Variants in COL7A1 observed in about 807,000 individuals in gnomAD.
COL7A1 encodes the protein collagen alpha-1(VII) chain.
A neutral mutation model predicts 456.2 loss-of-function variants in COL7A1; 296 were observed. The observed-to-expected ratio is 0.65, with a 90% CI of 0.59 to 0.71. COL7A1 has a LOEUF of 0.71. Ranked by LOEUF, COL7A1 falls within the 30% of genes least tolerant of loss-of-function variation. The pLI is 0.00. For missense variants in COL7A1, 3,441 were observed against 4,017.2 expected (o/e 0.86, Z 3.88); for synonymous variants, 1,464 against 1,525.9 (o/e 0.96, Z 0.95).
At position 48,566,820 on chromosome 3, in the gene COL7A1, G is replaced by T. The variant is rs1288778818; in HGVS notation, c.8227-83C>A. 1.6e-5 allele frequency: 26 copies of T among 1,587,124 alleles called. No homozygotes were observed. The highest frequency in any genetic ancestry group is 2.1e-5 in the Non-Finnish European group (24 of 1,158,508). ...CAGGTTGGGGGCCACAGCTTCAGAG[G>T]TTGGGGCAGGCAGGCTGGAAGATGG... On this transcript the variant is annotated intron_variant, in intron 111 of 118. Coordinates refer to ENST00000681320, the MANE Select transcript of COL7A1 (RefSeq NM_000094.4). The surrounding 1 kb of genome is among the most constrained non-coding windows in gnomAD (Gnocchi z 5.9).
At chr3:48,576,018 C>T in intron 71 of COL7A1, 116 bp from the exon 72 acceptor site, 1 of 1,530,474 alleles carries the variant, frequency 6.5e-7, no homozygotes. Context: ...TTGCCCAGAG[C>T]ACCCTTTAGC....
chr3:48,590,218 C>A lies in COL7A1; in HGVS notation c.2045G>T (p.Arg682Leu). 1.2e-6 allele frequency: 2 copies of A among 1,612,442 alleles called. No individual in the cohort carries two copies. Among genetic ancestry groups the A allele is most frequent in the South Asian group, 1.1e-5 (1 of 91,016 alleles). The change falls in exon 16 of 119, where the codon CGA becomes CTA. Residue 682 changes from arginine (R) to leucine (L), a missense_variant. Arg to Leu is a moderately radical substitution (Grantham distance 102). Coordinates refer to ENST00000681320, the MANE Select transcript of COL7A1 (RefSeq NM_000094.4). The surrounding 1 kb of genome is among the most constrained non-coding windows in gnomAD (Gnocchi z 4.6). ...EEGPAAVIVA[R>L]TDPLGPVRTV... ...GGACGGGGGCAGGGCCTGACCCGTT[C>A]GAGCCACGATGACTGCAGCAGGGCC...
Position 48,576,316 on chromosome 3 carries a change from C to A in COL7A1, c.5773-20G>T. The A allele has an allele frequency of 6.2e-7, 1 of 1,613,896 alleles. No individual in the cohort carries two copies. The highest frequency in any genetic ancestry group is 8.5e-7 in the Non-Finnish European group (1 of 1,180,014). On this transcript the variant is annotated intron_variant, in intron 70 of 118. Coordinates refer to ENST00000681320, the MANE Select transcript of COL7A1 (RefSeq NM_000094.4). ...GAGGCCCTGGAGAGATGAAGACAAACTGCTAGGAACCAGCCTATGGGTGTG... is the reference window on the plus strand; with the variant it reads ...GAGGCCCTGGAGAGATGAAGACAAAATGCTAGGAACCAGCCTATGGGTGTG...
chr3:48,572,380 C>A lies in COL7A1; in HGVS notation c.6978G>T (p.Pro2326=). ...GGLAGDLVGE[P]GAKGDRGLPG... is the part of the protein sequence containing the mutation. ...CTGCTGTCAGAAGTTCCCTACTTAC[C>A]GGCTCACCCACCAGGTCTCCAGCAA... The change falls in exon 90 of 119, where the codon CCG becomes CCT. Residue 2326 remains proline, a splice_region_variant and synonymous_variant. Transcript: ENST00000681320. The surrounding 1 kb of genome is among the most constrained non-coding windows in gnomAD (Gnocchi z 4.6). The A allele has an allele frequency of 6.2e-7, 1 of 1,614,126 alleles. No homozygotes were observed. Among genetic ancestry groups the A allele is most frequent in the South Asian group, 1.1e-5 (1 of 91,086 alleles).
In COL7A1 at chr3:48,594,924, G is replaced by A; in HGVS notation, c.85+151C>T. On this transcript the variant is annotated intron_variant, in intron 2 of 118. Transcript: ENST00000681320. This position sits in a 1 kb window ranked among gnomAD's most constrained non-coding sequence, Gnocchi z 5.5. ...TAGGGAACCCAGCACCGATCGCGGAGGGTTCGGGGAGTCCCAGAATTAGGA... is the reference window on the plus strand; with the variant it reads ...TAGGGAACCCAGCACCGATCGCGGAAGGTTCGGGGAGTCCCAGAATTAGGA... The A allele has an allele frequency of 1.4e-6, 1 of 708,142 alleles. No homozygotes were observed. The highest frequency in any genetic ancestry group is 2.4e-6 in the Non-Finnish European group (1 of 417,720). 43.9% of individuals were successfully genotyped at this position (708,142 alleles called of 1,614,324 possible).
chr3:48,593,304 C>G lies in COL7A1; in HGVS notation c.521-41G>C. 1 of 1,614,082 alleles carries G rather than the reference C, an allele frequency of 6.2e-7. No homozygotes were observed. The highest frequency in any genetic ancestry group is 8.5e-7 in the Non-Finnish European group (1 of 1,180,024). On this transcript the variant is annotated intron_variant, in intron 5 of 118. Transcript: ENST00000681320. This position sits in a 1 kb window ranked among gnomAD's most constrained non-coding sequence, Gnocchi z 4.4. Reference sequence around the variant, plus strand: ...ATCAGGACTCAGTCACCCACATGCTCTCTGACTGCCCCCACCCCCCAGCTG... The same window carrying G: ...ATCAGGACTCAGTCACCCACATGCTGTCTGACTGCCCCCACCCCCCAGCTG...
chr3:48,579,197 A>G lies in COL7A1; in HGVS notation c.5388T>C (p.Asn1796=), dbSNP rs1414618956. The change falls in exon 62 of 119, where the codon AAT becomes AAC. Residue 1796 remains asparagine (N), a splice_region_variant and synonymous_variant. Transcript: ENST00000681320. This position sits in a 1 kb window ranked among gnomAD's most constrained non-coding sequence, Gnocchi z 4.4. ...ACCAGGCAGGACTACCAAGACTCAC[A>G]TTCGGCCCAGAGGGCCCAGCGGCTC... is the stretch of plus-strand genomic sequence containing the variant. ...KPGAAGPSGP[N]GAAGKAGDPG... 1 of 1,613,342 alleles carries G rather than the reference A, an allele frequency of 6.2e-7. No homozygotes were observed. Among genetic ancestry groups the G allele is most frequent in the East Asian group, 2.2e-5 (1 of 44,882 alleles).
Position 48,583,422 on chromosome 3 carries a change from G to C in COL7A1, c.4408C>G (p.Arg1470Gly), listed in dbSNP as rs769297158. The C allele has an allele frequency of 1.2e-6, 2 of 1,614,044 alleles. No individual in the cohort carries two copies. The highest frequency in any genetic ancestry group is 1.7e-6 in the Non-Finnish European group (2 of 1,180,020). Residue 1470 changes from arginine (R) to glycine (G), a missense_variant, in exon 42 of 119, where the codon CGG becomes GGG. Arg to Gly is a moderately radical substitution (Grantham distance 125). Around this residue, in one of 3 missense-constraint regions of COL7A1, gnomAD observed 2,084 missense variants for 2,501.3 expected, o/e 0.83. Coordinates refer to ENST00000681320, the MANE Select transcript of COL7A1 (RefSeq NM_000094.4). This position sits in a 1 kb window ranked among gnomAD's most constrained non-coding sequence, Gnocchi z 5.1. ...GGGCCAATAGCTCCAGGAGGTCCCC[G>C]TGGGCCCTGGAAGGGATGAATTTGG... ...QPGSPGEQGPRGPPGAIGPKG... is the reference protein window; with the variant it reads ...QPGSPGEQGPGGPPGAIGPKG...
intron 33 of COL7A1, 42 bp downstream of exon 33, chr3:48,584,994 C>A: frequency 1.2e-6 from 2 of 1,613,664 alleles, no homozygotes; most frequent in South Asian, 2.2e-5. Context: ...CCCACCCACT[C>A]AGGCAGCGCC....
rs557797952 is a variant in COL7A1, at chr3:48,593,153, C to T, written c.631G>A (p.Val211Ile). The T allele has an allele frequency of 1.4e-5, 23 of 1,614,092 alleles. No homozygotes were observed. Among genetic ancestry groups the T allele is most frequent in the East Asian group, 1.1e-4 (5 of 44,880 alleles). Reference sequence around the variant, plus strand: ...GCAGTCGTGCACACTCTCCGGGAAACGAGGGGCAGTAGTGTCCTCAAGATG... The same window carrying T: ...GCAGTCGTGCACACTCTCCGGGAAATGAGGGGCAGTAGTGTCCTCAAGATG... ...FSILRTLLPLVSRRVCTTAGG... is the reference protein window; with the variant it reads ...FSILRTLLPLISRRVCTTAGG... The change falls in exon 6 of 119, where the codon GTT (valine) becomes ATT (isoleucine). Residue 211 changes from valine (V) to isoleucine (I), a missense_variant. Physicochemically the swap from Val to Ile is conservative, Grantham distance 29 (BLOSUM62 3). Around this residue, in one of 3 missense-constraint regions of COL7A1, gnomAD observed 913 missense variants for 1,088.2 expected, o/e 0.84. Coordinates refer to ENST00000681320, the MANE Select transcript of COL7A1 (RefSeq NM_000094.4). The surrounding 1 kb of genome is among the most constrained non-coding windows in gnomAD (Gnocchi z 4.4).
chr3:48,584,734 C>A lies in COL7A1; in HGVS notation c.4047G>T (p.Pro1349=). 1.2e-6 allele frequency: 2 copies of A among 1,613,988 alleles called. No homozygotes were observed. Among genetic ancestry groups the A allele is most frequent in the Non-Finnish European group, 1.7e-6 (2 of 1,180,016 alleles). Reference sequence around the variant, plus strand: ...CCGCCTCCCTTCCCCCTTCACCTACCGGCTCCCCCTTTGGGCCTCGAGGTC... The same window carrying A: ...CCGCCTCCCTTCCCCCTTCACCTACAGGCTCCCCCTTTGGGCCTCGAGGTC... ...ERGPRGPKGE[P]GAPGQVIGGE... The change falls in exon 35 of 119, where the codon CCG becomes CCT. Residue 1349 remains proline, a splice_region_variant and synonymous_variant. Coordinates refer to ENST00000681320, the MANE Select transcript of COL7A1 (RefSeq NM_000094.4).
rs1389595282 is a variant in COL7A1, at chr3:48,576,663, C to T, written c.5700+13G>A. 1.2e-6 allele frequency: 2 copies of T among 1,600,994 alleles called. No individual in the cohort carries two copies. Among genetic ancestry groups the T allele is most frequent in the Non-Finnish European group, 8.5e-7 (1 of 1,174,446 alleles). ...TAATGCTCTGAAGTCCCAGAATGAC[C>T]CAGGACACTCACCTGGCCAGGAGGG... On this transcript the variant is annotated intron_variant, in intron 68 of 118. Transcript: ENST00000681320.
chr3:48,577,083 C>T, intron 65 of COL7A1, 56 bp from the exon 66 acceptor site: 1 of 1,603,572 alleles, frequency 6.2e-7, no homozygotes, highest in Non-Finnish European at 8.5e-7. Context: ...GGCTGCAAGA[C>T]ACTACCTTGC....
chr3:48,578,476 G>A lies in COL7A1; in HGVS notation c.5464C>T (p.Pro1822Ser). The stretch of plus-strand genomic sequence containing the variant: ...ACCGGTAATCCAGGGGGACCAGAGG[G>A]GCCAGGGAGGCCCTGTTCTCCACGG... ...GLRGEQGLPG[P>S]SGPPGLPGKP... is the part of the protein sequence containing the mutation. The change falls in exon 64 of 119, where the codon CCC becomes TCC. Residue 1822 changes from proline to serine, a missense_variant. Pro to Ser is a moderately conservative substitution (Grantham distance 74). This residue lies in a region of COL7A1 where 2,084 missense variants were observed against 2,501.3 expected (regional missense o/e 0.83). Coordinates refer to ENST00000681320, the MANE Select transcript of COL7A1 (RefSeq NM_000094.4). The surrounding 1 kb of genome is among the most constrained non-coding windows in gnomAD (Gnocchi z 4.7). 3 of 1,612,830 alleles carry A rather than the reference G, an allele frequency of 1.9e-6. No homozygotes were observed. Among genetic ancestry groups the A allele is most frequent in the Non-Finnish European group, 2.5e-6 (3 of 1,180,006 alleles).
Position 48,588,752 on chromosome 3 carries a change from G to A in COL7A1, c.2477C>T (p.Thr826Ile), listed in dbSNP as rs201299454. 1.4e-5 allele frequency: 22 copies of A among 1,613,814 alleles called. No individual in the cohort carries two copies. In the Middle Eastern group the frequency reaches 4.9e-4, roughly 36 times the overall value. The change falls in exon 20 of 119, where the codon ACA becomes ATA. Residue 826 changes from threonine to isoleucine, a missense_variant. Physicochemically the swap from Thr to Ile is moderately conservative, Grantham distance 89. Coordinates refer to ENST00000681320, the MANE Select transcript of COL7A1 (RefSeq NM_000094.4). This position sits in a 1 kb window ranked among gnomAD's most constrained non-coding sequence, Gnocchi z 4.6. ...GAGACCCCGGATCTCTGCAGAGTCT[G>A]TGTTTCCTGGGAGTATCTGGTGCCT... ...PMRHQILPGNTDSAEIRGLEG... is the reference protein window; with the variant it reads ...PMRHQILPGNIDSAEIRGLEG...
In COL7A1 at chr3:48,572,524, G is replaced by A. The variant is rs755038055; in HGVS notation, c.6915C>T (p.Leu2305=). ...TGAPGQAVVG[L]PGAKGEKGAP... ...TCACCTTCTCTCCCTTTGCTCCAGG[G>A]AGCCCGACCACAGCCTGTGGGGAAT... The change falls in exon 89 of 119, where the codon CTC becomes CTT. Residue 2305 remains leucine (L), a synonymous_variant. Coordinates refer to ENST00000681320, the MANE Select transcript of COL7A1 (RefSeq NM_000094.4). This position sits in a 1 kb window ranked among gnomAD's most constrained non-coding sequence, Gnocchi z 4.6. The A allele has an allele frequency of 6.2e-7, 1 of 1,613,854 alleles. No homozygotes were observed. The highest frequency in any genetic ancestry group is 1.1e-5 in the South Asian group (1 of 91,068).
rs2044334908 is a variant in COL7A1, at chr3:48,576,783, G to A, written c.5605-12C>T. ...GGGCCATCACGACCCTGTGAAGGATGCAGCCAGCATCAGCACCCTGAGACC... is the reference window on the plus strand; with the variant it reads ...GGGCCATCACGACCCTGTGAAGGATACAGCCAGCATCAGCACCCTGAGACC... On this transcript the variant is annotated splice_polypyrimidine_tract_variant and intron_variant, in intron 67 of 118. Coordinates refer to ENST00000681320, the MANE Select transcript of COL7A1 (RefSeq NM_000094.4). The A allele has an allele frequency of 6.2e-7, 1 of 1,613,602 alleles. No individual in the cohort carries two copies. The highest frequency in any genetic ancestry group is 1.3e-5 in the African/African-American group (1 of 74,912).
Position 48,574,653 on chromosome 3 carries a change from T to A in COL7A1, c.6393+24A>T. 1.9e-6 allele frequency: 3 copies of A among 1,613,902 alleles called. No individual in the cohort carries two copies. Among genetic ancestry groups the A allele is most frequent in the South Asian group, 1.1e-5 (1 of 91,080 alleles). Reference sequence around the variant, plus strand: ...GCCCCCAGAAAGGAGGGGGACTCTATGGAAGGGTGGAGAGAGGCCTCACCC... The same window carrying A: ...GCCCCCAGAAAGGAGGGGGACTCTAAGGAAGGGTGGAGAGAGGCCTCACCC... On this transcript the variant is annotated intron_variant, in intron 78 of 118. Transcript: ENST00000681320. The surrounding 1 kb of genome is among the most constrained non-coding windows in gnomAD (Gnocchi z 5.0).
rs950088075 is a variant in COL7A1, at chr3:48,567,263, T to G, written c.8047-73A>C. The G allele has an allele frequency of 1.3e-6, 2 of 1,573,750 alleles. No homozygotes were observed. The highest frequency in any genetic ancestry group is 1.7e-4 in the Middle Eastern group (1 of 5,960). On this transcript the variant is annotated intron_variant, in intron 109 of 118. Transcript: ENST00000681320. This position sits in a 1 kb window ranked among gnomAD's most constrained non-coding sequence, Gnocchi z 4.3. ...GCTCTGGAACCTCCCTGAACTCCCATGAGCTCCCTGGCCTAATGCCCAAAC... is the reference window on the plus strand; with the variant it reads ...GCTCTGGAACCTCCCTGAACTCCCAGGAGCTCCCTGGCCTAATGCCCAAAC...
Sources: allele counts gnomAD v4.1 joint callset, GRCh38; gene constraint gnomAD v4.1.1; regional missense constraint gnomAD v4.1.1; non-coding constraint Gnocchi (gnomAD v3.1); transcripts MANE v1.5; gene names NCBI Gene and HGNC (gene_info 2026-07-23, HGNC 2026-07-21).